The following BRIP1 variants were observed in gnomAD, a reference collection of about 807,000 sequenced individuals.
BRIP1 encodes BRCA1 interacting DNA helicase 1, also known as Fanconi anemia group J protein.
Under a neutral mutation model 119.7 loss-of-function variants are expected in BRIP1, and 88 were observed. The observed-to-expected ratio is 0.74, with a 90% CI of 0.62 to 0.88. The LOEUF (loss-of-function observed/expected upper bound fraction) is 0.88. BRIP1 is among the 40% of genes least tolerant of loss of function. The pLI, the probability that BRIP1 is intolerant of heterozygous loss-of-function variation, is 0.00. For synonymous variants in BRIP1, 443 were observed against 496.5 expected (o/e 0.89, Z 1.43); for missense variants, 1,259 against 1,455.4 (o/e 0.87, Z 2.20).
rs2078040470 is a variant in BRIP1 at position 61,804,400 on chromosome 17, C to G, written c.919-2926G>C. Among the ~76,000 whole-genome samples the G allele has an allele frequency of 6.9e-6, 1 of 145,554 alleles. No individual in the cohort carries two copies. Among genetic ancestry groups the G allele is most frequent in the South Asian group, 2.2e-4 (1 of 4,498 alleles). On this transcript the variant is annotated intron_variant, in intron 7 of 19. Coordinates refer to ENST00000259008, the MANE Select transcript of BRIP1 (RefSeq NM_032043.3). The surrounding 1 kb of genome is among the most constrained non-coding windows in gnomAD (Gnocchi z 4.5). ...TCAGGGATAAAAGACTTTGAGGCAG[C>G]TATATACATATGTGTGTGTGTGTGT...
At position 61,686,825 on chromosome 17, in the gene BRIP1, T is replaced by C. The variant is rs1162177194; in HGVS notation, c.2576-660A>G. On this transcript the variant is annotated intron_variant, in intron 18 of 19. Transcript: ENST00000259008. The surrounding 1 kb of genome is among the most constrained non-coding windows in gnomAD (Gnocchi z 5.4). ...AAACCTAAGAGTTTAAGGTGTTTTCTAGTATGGTGTGCTTCCAAATGAAAT... is the reference window on the plus strand; with the variant it reads ...AAACCTAAGAGTTTAAGGTGTTTTCCAGTATGGTGTGCTTCCAAATGAAAT... 6.6e-6 allele frequency among the ~76,000 whole-genome samples: 1 copy of C among 152,164 alleles called. No homozygotes were observed. Among genetic ancestry groups the C allele is most frequent in the African/African-American group, 2.4e-5 (1 of 41,446 alleles).
intron 17 of BRIP1, among the ~76,000 whole-genome samples, chr17:61,711,264 G>GA (rs1406271388): frequency 3.3e-5 from 5 of 151,660 alleles, no homozygotes; most frequent in Non-Finnish European, 7.4e-5. Flanking sequence ...CTAAAAGGAA[G>GA]AAAAAAATCA....
At chr17:61,741,782 C>T (rs1433703521) in intron 16 of BRIP1, among the ~76,000 whole-genome samples, 1 of 152,204 alleles carries the variant, frequency 6.6e-6, no homozygotes, top group Non-Finnish European at 1.5e-5. Flanking sequence ...TCCATCTATA[C>T]AGCACAGGCA....
At position 61,799,393 on chromosome 17, in the gene BRIP1, C is replaced by A. The variant is rs114901675; in HGVS notation, c.1141-94G>T. On this transcript the variant is annotated intron_variant, in intron 8 of 19. Coordinates refer to ENST00000259008, the MANE Select transcript of BRIP1 (RefSeq NM_032043.3). The surrounding 1 kb of genome is among the most constrained non-coding windows in gnomAD (Gnocchi z 5.1). Reference sequence around the variant, plus strand: ...TTCATTTTAAAATTCACACTATAGGCCAATATTGCAAATGCAATTACATAA... The same window carrying A: ...TTCATTTTAAAATTCACACTATAGGACAATATTGCAAATGCAATTACATAA... The A allele has an allele frequency of 1.3e-3, 1,231 of 966,066 alleles. 6 individuals are homozygous for A. The African/African-American group carries it at 0.019, about 15-fold the overall frequency. 59.8% of individuals were successfully genotyped at this position (966,066 alleles called of 1,614,324 possible).
rs763458922 is a variant in BRIP1 at position 61,780,930 on chromosome 17, A to G, written c.1704T>C (p.Asn568=). ...TATTTTTTGGTAGAACCAACAACCC[A>G]TTTTTGTCTGAAATATCAATCTGAT... is the stretch of plus-strand genomic sequence containing the variant. The part of the protein sequence containing the change: ...WTNQIDISDK[N]GLLVLPKNKK... Residue 568 remains asparagine (N), a synonymous_variant, in exon 12 of 20, where the codon AAT becomes AAC. Coordinates refer to ENST00000259008, the MANE Select transcript of BRIP1 (RefSeq NM_032043.3). The surrounding 1 kb of genome is among the most constrained non-coding windows in gnomAD (Gnocchi z 5.4). 6.2e-7 allele frequency: 1 copy of G among 1,614,070 alleles called. No individual in the cohort carries two copies. Among genetic ancestry groups the G allele is most frequent in the South Asian group, 1.1e-5 (1 of 91,078 alleles).
rs980330480 is a variant in BRIP1, at chr17:61,775,722, ATTAACT to A, written c.2097+673_2097+678del. 9.2e-5 allele frequency among the ~76,000 whole-genome samples: 14 copies of A among 152,214 alleles called. No homozygotes were observed. Among genetic ancestry groups the A allele is most frequent in the Non-Finnish European group, 4.4e-5 (3 of 68,032 alleles). ...GGGCAACGAAGAAAGTTTGGCTTAG[ATTAACT>A]TTAATGAAACCTTCAGAAATGTAAT... On this transcript the variant is annotated intron_variant, in intron 14 of 19. Transcript: ENST00000259008. The surrounding 1 kb of genome is among the most constrained non-coding windows in gnomAD (Gnocchi z 4.4).
In BRIP1 at chr17:61,809,278, A is replaced by C. The variant is rs1160304333; in HGVS notation, c.628-521T>G. ...AGGATCACTTAACAACTTCAAAAAG[A>C]GAAAATTCTTCTTTAGCAAAGGTAC... On this transcript the variant is annotated intron_variant, in intron 6 of 19. Coordinates refer to ENST00000259008, the MANE Select transcript of BRIP1 (RefSeq NM_032043.3). This position sits in a 1 kb window ranked among gnomAD's most constrained non-coding sequence, Gnocchi z 5.2. Among the ~76,000 whole-genome samples, 1 of 152,200 alleles carries C rather than the reference A, an allele frequency of 6.6e-6. No homozygotes were observed. The highest frequency in any genetic ancestry group is 1.5e-5 in the Non-Finnish European group (1 of 68,012).
Position 61,802,329 on chromosome 17 carries a change from G to T in BRIP1, c.919-855C>A, listed in dbSNP as rs1052460168. ...TAAAAAATTTTCTAGGATTGGTGGC[G>T]TACATCAATGGTCCTAGCTACTCAG... On this transcript the variant is annotated intron_variant, in intron 7 of 19. Transcript: ENST00000259008. The surrounding 1 kb of genome is among the most constrained non-coding windows in gnomAD (Gnocchi z 6.0). 2.2e-4 allele frequency among the ~76,000 whole-genome samples: 33 copies of T among 152,012 alleles called. No homozygotes were observed. The highest frequency in any genetic ancestry group is 8.0e-4 in the African/African-American group (33 of 41,398).
intron 16 of BRIP1, among the ~76,000 whole-genome samples, chr17:61,733,762 A>G (rs534283537): frequency 1.3e-5 from 2 of 152,278 alleles, no homozygotes; most frequent in African/African-American, 4.8e-5. Flanking sequence ...CGAATTTTAA[A>G]TAGTTTCCAA....
In BRIP1 at chr17:61,807,898, A is replaced by G. The variant is rs533770702; in HGVS notation, c.918+569T>C. 5.9e-5 allele frequency among the ~76,000 whole-genome samples: 9 copies of G among 152,260 alleles called. No homozygotes were observed. In the South Asian group the frequency reaches 1.9e-3, roughly 32 times the overall value. ...CTATTTCCACCAAGCCCAAATTCAT[A>G]TTATTCTAATTTCCCTGGAAAATTT... On this transcript the variant is annotated intron_variant, in intron 7 of 19. Coordinates refer to ENST00000259008, the MANE Select transcript of BRIP1 (RefSeq NM_032043.3). The surrounding 1 kb of genome is among the most constrained non-coding windows in gnomAD (Gnocchi z 4.5).
At chr17:61,733,712 T>C (rs1603300412) in intron 16 of BRIP1, among the ~76,000 whole-genome samples, 1 of 152,298 alleles carries the variant, frequency 6.6e-6, no homozygotes, top group Admixed American at 6.5e-5. Context: ...ATAATGGTTA[T>C]TGTATGCTAA....
intron 17 of BRIP1, among the ~76,000 whole-genome samples, chr17:61,711,903 AAAAT>A (rs1567752418): frequency 1.3e-5 from 2 of 152,032 alleles, no homozygotes; most frequent in Non-Finnish European, 2.9e-5. Context: ...ACAAAAATAA[AAAAT>A]AAAATGATGG....
chr17:61,858,652 C>T (rs530310319), intron 3 of BRIP1, among the ~76,000 whole-genome samples: 6 of 152,074 alleles, frequency 3.9e-5, no homozygotes, highest in Admixed American at 6.6e-5. Context: ...GGATTACAGG[C>T]GTGCGCCACT....
At chr17:61,697,152 T>C (rs1219437376) in intron 17 of BRIP1, among the ~76,000 whole-genome samples, 1 of 151,084 alleles carries the variant, frequency 6.6e-6, no homozygotes, top group Non-Finnish European at 1.5e-5. Flanking sequence ...AAGATCAGCC[T>C]GGCCAACATA....
intron 5 of BRIP1, 43 bp from the exon 6 acceptor site, chr17:61,847,263 G>GCCC (rs1000336381): frequency 1.2e-6 from 2 of 1,608,618 alleles, no homozygotes; most frequent in African/African-American, 2.7e-5. Flanking sequence ...TGAACTAGAA[G>GCCC]TTTAACTGGC....
rs756642606 is a variant in BRIP1, at chr17:61,752,679, T to C, written c.2098-8088A>G. Reference sequence around the variant, plus strand: ...TGCTCTCTGAATAGGCCAATCATCATACTTTTTCTTCATTAATCAGTGAGT... The same window carrying C: ...TGCTCTCTGAATAGGCCAATCATCACACTTTTTCTTCATTAATCAGTGAGT... On this transcript the variant is annotated intron_variant, in intron 14 of 19. Transcript: ENST00000259008. The surrounding 1 kb of genome is among the most constrained non-coding windows in gnomAD (Gnocchi z 6.2). 5.3e-5 allele frequency among the ~76,000 whole-genome samples: 8 copies of C among 152,240 alleles called. No homozygotes were observed. The highest frequency in any genetic ancestry group is 1.0e-4 in the Non-Finnish European group (7 of 68,038).
In BRIP1 at chr17:61,725,851, T is replaced by G. The variant is rs1427662317; in HGVS notation, c.2380-9788A>C. Among the ~76,000 whole-genome samples, 2 of 152,172 alleles carry G rather than the reference T, an allele frequency of 1.3e-5. 1 individual carries two copies. The highest frequency in any genetic ancestry group is 4.1e-4 in the South Asian group (2 of 4,824). On this transcript the variant is annotated intron_variant, in intron 16 of 19. Coordinates refer to ENST00000259008, the MANE Select transcript of BRIP1 (RefSeq NM_032043.3). This position sits in a 1 kb window ranked among gnomAD's most constrained non-coding sequence, Gnocchi z 5.3. ...TACATTGCCCAGGCTGGTCTTGAAC[T>G]CCTGGCCTCAAACAATCCTCCTGTC...
In BRIP1 at chr17:61,780,915, T is replaced by G. The variant is rs1481800958; in HGVS notation, c.1719A>C (p.Leu573=). The change falls in exon 12 of 20, where the codon CTA becomes CTC. Residue 573 remains leucine, a synonymous_variant. Coordinates refer to ENST00000259008, the MANE Select transcript of BRIP1 (RefSeq NM_032043.3). The surrounding 1 kb of genome is among the most constrained non-coding windows in gnomAD (Gnocchi z 5.4). ...DISDKNGLLV[L]PKNKKRSRQK... is the part of the protein sequence containing the mutation. ...GTCGTGAACGTTTCTTATTTTTTGGTAGAACCAACAACCCATTTTTGTCTG... is the reference window on the plus strand; with the variant it reads ...GTCGTGAACGTTTCTTATTTTTTGGGAGAACCAACAACCCATTTTTGTCTG... 1 of 1,614,144 alleles carries G rather than the reference T, an allele frequency of 6.2e-7. No homozygotes were observed. The highest frequency in any genetic ancestry group is 8.5e-7 in the Non-Finnish European group (1 of 1,180,014).
chr17:61,790,753 C>A (rs957480457), intron 10 of BRIP1, among the ~76,000 whole-genome samples: 1 of 151,818 alleles, frequency 6.6e-6, no homozygotes, highest in African/African-American at 2.4e-5. Context: ...GATCCTCCTG[C>A]CTCAGCCTCC....
Sources: gnomAD v4.1 joint callset for allele counts (sites outside exome capture counted in the v4.1 genomes callset) on GRCh38, gnomAD v4.1.1 for gene constraint, Gnocchi (gnomAD v3.1) non-coding constraint, MANE v1.5 for transcripts, NCBI Gene and HGNC (gene_info 2026-07-23, HGNC 2026-07-21) for gene names.